The following CES5A variants were observed in gnomAD, a reference collection of about 807,000 sequenced individuals.
CES5A encodes the protein carboxylesterase 5.
CES5A carries 67 observed loss-of-function variants against 62.9 expected under a neutral mutation model. The ratio of observed to expected loss-of-function variants is 1.07; its 90% confidence interval spans 0.88 to 1.31. The LOEUF is 1.31. Among genes scored for constraint, CES5A ranks in the 50% most tolerant of loss-of-function variants. The pLI is 0.00. For missense variants in CES5A, 748 were observed against 708.5 expected (o/e 1.06, Z -0.63); for synonymous variants, 296 against 280.8 (o/e 1.05, Z -0.54).
At chr16:55,893,542 C>A (rs1302474113) in intron 1 of CES5A, among the ~76,000 whole-genome samples, 1 of 151,766 alleles carries the variant, frequency 6.6e-6, no homozygotes, top group Non-Finnish European at 1.5e-5. Flanking sequence ...TACAAGAAAC[C>A]AAATAAAAAT....
At chr16:55,879,690 AAGCGAT>A (rs1338436005), upstream of CES5A, among the ~76,000 whole-genome samples, 1 of 152,166 alleles carries the variant, frequency 6.6e-6, no homozygotes, top group East Asian at 1.9e-4. Context: ...TCCTGGGCTC[AAGCGAT>A]CCTCCCACTT....
At chr16:55,927,252 A>G (rs1010959738), upstream of CES5A, among the ~76,000 whole-genome samples, 4 of 152,228 alleles carry the variant, frequency 2.6e-5, no homozygotes, top group Non-Finnish European at 4.4e-5. Context: ...AATATAATCA[A>G]AAATAATAAA....
chr16:55,911,487 A>T (rs1165925548), intron 1 of CES5A, among the ~76,000 whole-genome samples: 1 of 152,206 alleles, frequency 6.6e-6, no homozygotes, highest in Non-Finnish European at 1.5e-5. Flanking sequence ...ATGCCAAAAC[A>T]AAGGTGCATG....
chr16:55,927,889 A>G (rs1483612737), upstream of CES5A, among the ~76,000 whole-genome samples: 2 of 152,248 alleles, frequency 1.3e-5, no homozygotes, highest in Non-Finnish European at 2.9e-5. Context: ...CCATCAACTG[A>G]CAAGTGGATA....
chr16:55,869,674 G>T lies in CES5A; in HGVS notation c.488C>A (p.Ala163Asp). The change falls in exon 4 of 13, where the codon GCT becomes GAT. Residue 163 changes from alanine (A) to aspartate (D), a missense_variant. Physicochemically the swap from Ala to Asp is moderately radical, Grantham distance 126. Coordinates refer to ENST00000290567, the MANE Select transcript of CES5A (RefSeq NM_001143685.2). The stretch of plus-strand genomic sequence containing the variant: ...CACAACCAGCACGTCCTCATAGGCA[G>T]CCAGGGCGGACCCATCAAAGATGGA... ...SASIFDGSALAAYEDVLVVVV... is the reference protein window; with the variant it reads ...SASIFDGSALDAYEDVLVVVV... 6.2e-7 allele frequency: 1 copy of T among 1,613,088 alleles called. No homozygotes were observed. The highest frequency in any genetic ancestry group is 1.1e-5 in the South Asian group (1 of 90,792).
rs74246228 is a variant in CES5A at position 55,896,532 on chromosome 16, A to C, written c.-255-22495T>G. Among the ~76,000 whole-genome samples, 50 of 152,344 alleles carry C rather than the reference A, an allele frequency of 3.3e-4. No homozygotes were observed. In the East Asian group the frequency reaches 8.9e-3, roughly 27 times the overall value. On this transcript the variant is annotated intron_variant, in intron 1 of 12. Coordinates refer to the CES5A transcript ENST00000518005. ...GCCAAATAAACTTCTTTTCTTTATA[A>C]ATTGTGCAGTATTAAGTATTCTGTT...
At chr16:55,944,677 C>T (rs1442219451) in intron 2 of CES5A, among the ~76,000 whole-genome samples, 2 of 152,190 alleles carry the variant, frequency 1.3e-5, no homozygotes, top group East Asian at 3.9e-4. Flanking sequence ...AACTGTTCGG[C>T]CTGAAAAATG....
intron 1 of CES5A, among the ~76,000 whole-genome samples, chr16:55,917,727 A>C (rs2034161728): frequency 1.3e-5 from 2 of 152,128 alleles, no homozygotes; most frequent in Admixed American, 1.3e-4. Flanking sequence ...GCTTGCTAGA[A>C]GTGAGTCATT....
intron 1 of CES5A, among the ~76,000 whole-genome samples, chr16:55,885,454 T>C (rs77521640): frequency 0.012 from 1,862 of 152,174 alleles, 66 homozygotes; most frequent in East Asian, 0.11. Flanking sequence ...TGGATGGGAA[T>C]TGGGGAGGGA....
upstream of CES5A, among the ~76,000 whole-genome samples, chr16:55,927,092 C>T (rs1357494530): frequency 6.6e-6 from 1 of 152,004 alleles, no homozygotes; most frequent in Non-Finnish European, 1.5e-5. Flanking sequence ...GAAATTAACT[C>T]AAGATGAATT....
At chr16:55,928,478 A>T (rs1439232604), upstream of CES5A, among the ~76,000 whole-genome samples, 1 of 152,226 alleles carries the variant, frequency 6.6e-6, no homozygotes, top group Non-Finnish European at 1.5e-5. Context: ...CAATGTACAC[A>T]GTTCAGGTGA....
At chr16:55,902,914 T>C (rs2142443302) in intron 1 of CES5A, among the ~76,000 whole-genome samples, 1 of 152,098 alleles carries the variant, frequency 6.6e-6, no homozygotes, top group South Asian at 2.1e-4. Flanking sequence ...AGAAGCCAGG[T>C]CAATATGGAA....
chr16:55,923,557 T>C (rs1381429701), intron 1 of CES5A, among the ~76,000 whole-genome samples: 1 of 151,760 alleles, frequency 6.6e-6, no homozygotes, highest in African/African-American at 2.4e-5. Flanking sequence ...GCCCAGGACC[T>C]GATAGCTTCA....
intron 1 of CES5A, among the ~76,000 whole-genome samples, chr16:55,952,287 T>G (rs1432136619): frequency 2.0e-5 from 3 of 152,066 alleles, no homozygotes; most frequent in African/African-American, 7.2e-5. Context: ...TCATGAAAAT[T>G]TATAGTCTCA....
chr16:55,888,100 T>C (rs1415605568), intron 1 of CES5A, among the ~76,000 whole-genome samples: 1 of 152,198 alleles, frequency 6.6e-6, no homozygotes. Context: ...ACCTGCTTTT[T>C]CTTTTTGCTT....
At chr16:55,914,488 G>A (rs970386935) in intron 1 of CES5A, among the ~76,000 whole-genome samples, 2 of 152,160 alleles carry the variant, frequency 1.3e-5, no homozygotes, top group Admixed American at 1.3e-4. Flanking sequence ...TACGCCAGGG[G>A]ATGAAGGAAA....
chr16:55,868,547 T>C (rs1324510881), intron 4 of CES5A, among the ~76,000 whole-genome samples: 5 of 152,220 alleles, frequency 3.3e-5, no homozygotes, highest in African/African-American at 9.6e-5. Context: ...CACAGCTCCA[T>C]GGCCTCTCAC....
At chr16:55,864,863 G>A (rs760955344) in intron 5 of CES5A, among the ~76,000 whole-genome samples, 10 of 150,400 alleles carry the variant, frequency 6.6e-5, no homozygotes, top group Non-Finnish European at 1.3e-4. Context: ...AACTATGATC[G>A]CCCCACTGCT....
intron 2 of CES5A, among the ~76,000 whole-genome samples, chr16:55,946,868 A>T (rs1881869053): frequency 6.6e-6 from 1 of 152,196 alleles, no homozygotes; most frequent in Non-Finnish European, 1.5e-5. Context: ...CAGGTTAGCC[A>T]AGACGTGTTT....
Sources: gnomAD v4.1 joint callset for allele counts (sites outside exome capture counted in the v4.1 genomes callset) on GRCh38, gnomAD v4.1.1 for gene constraint, MANE v1.5 for transcripts, NCBI Gene and HGNC (gene_info 2026-07-23, HGNC 2026-07-21) for gene names.